The following MAST3 variants were observed in gnomAD, a reference collection of about 807,000 sequenced individuals.
The protein encoded by MAST3 is microtubule-associated serine/threonine-protein kinase 3.
Under a neutral mutation model 127.0 loss-of-function variants are expected in MAST3, and 43 were observed. The observed-to-expected ratio is 0.34, with a 90% CI of 0.27 to 0.44. The LOEUF is 0.44. MAST3 is among the 20% of genes least tolerant of loss of function. MAST3 has a pLI of 1.00. For missense variants in MAST3, 1,390 were observed against 1,919.1 expected (o/e 0.72, Z 5.15); for synonymous variants, 785 against 809.2 (o/e 0.97, Z 0.51).
chr19:18,146,532 TAATG>T (rs2043030342), intron 25 of MAST3, among the ~76,000 whole-genome samples: 2 of 152,066 alleles, frequency 1.3e-5, no homozygotes, highest in East Asian at 3.9e-4. Context: ...GTCTTTGGCC[TAATG>T]ACTCATGGGC....
rs552781798 is a variant in MAST3 at position 18,149,310 on chromosome 19, C to G, written c.3628C>G (p.Arg1210Gly). ...CCTGGCTGCCAAGCTTGGGCCACCCCGCCCCAAGACTGGCCGCCGCAAGTC... is the reference window on the plus strand; with the variant it reads ...CCTGGCTGCCAAGCTTGGGCCACCCGGCCCCAAGACTGGCCGCCGCAAGTC... ...HGLAAKLGPPRPKTGRRKSTS... is the reference protein window; with the variant it reads ...HGLAAKLGPPGPKTGRRKSTS... The change falls in exon 28 of 28, where the codon CGC (arginine) becomes GGC (glycine). Residue 1210 changes from arginine (R) to glycine (G), a missense_variant. Physicochemically the swap from Arg to Gly is moderately radical, Grantham distance 125. This residue lies in a region of MAST3 where 816 missense variants were observed against 934.1 expected (regional missense o/e 0.87). Transcript: ENST00000687212. The surrounding 1 kb of genome is among the most constrained non-coding windows in gnomAD (Gnocchi z 5.9). 6.5e-7 allele frequency: 1 copy of G among 1,529,584 alleles called. No homozygotes were observed. Among genetic ancestry groups the G allele is most frequent in the African/African-American group, 1.4e-5 (1 of 70,522 alleles). The allele number at this position is 1,529,584 out of a possible 1,614,324, so 94.8% of individuals were successfully genotyped here. A position where few individuals can be genotyped will look rare whatever the true frequency, so the allele number is the denominator to read the frequency against.
At chr19:18,138,705 G>T (rs2042133884) in intron 19 of MAST3, among the ~76,000 whole-genome samples, 1 of 152,064 alleles carries the variant, frequency 6.6e-6, no homozygotes. Flanking sequence ...CACCATGTTG[G>T]CCAGGCTGGT....
intron 1 of MAST3, among the ~76,000 whole-genome samples, chr19:18,098,410 G>T (rs146749074): frequency 4.9e-4 from 74 of 152,240 alleles, no homozygotes; most frequent in Non-Finnish European, 9.6e-4. Context: ...GGCACAAGGC[G>T]CTGCCAACCA....
intron 3 of MAST3, among the ~76,000 whole-genome samples, chr19:18,114,598 T>C (rs1309861368): frequency 6.6e-6 from 1 of 152,184 alleles, no homozygotes; most frequent in Non-Finnish European, 1.5e-5. Context: ...CCTGGTCATA[T>C]CGTAGACTCA....
intron 11 of MAST3, 55 bp from the exon 12 acceptor site, chr19:18,128,345 G>A: frequency 6.9e-7 from 1 of 1,449,004 alleles, no homozygotes; most frequent in African/African-American, 1.4e-5. Context: ...AAATTGCTGG[G>A]TGATGCAGGG....
chr19:18,113,296 T>G (rs1259558722), intron 3 of MAST3, among the ~76,000 whole-genome samples: 1 of 151,926 alleles, frequency 6.6e-6, no homozygotes, highest in East Asian at 1.9e-4. Flanking sequence ...CTGCCTCCTT[T>G]TTTTTTTTGA....
Position 18,134,649 on chromosome 19 carries a change from A to T in MAST3, c.1642A>T (p.Met548Leu). The T allele has an allele frequency of 6.2e-7, 1 of 1,613,554 alleles. No homozygotes were observed. The highest frequency in any genetic ancestry group is 2.2e-5 in the East Asian group (1 of 44,874). ...FGLSKIGLMSMATNLYEGHIE... is the reference protein window; with the variant it reads ...FGLSKIGLMSLATNLYEGHIE... The stretch of plus-strand genomic sequence containing the variant: ...CCTGTCCAAGATCGGCCTCATGAGC[A>T]TGGCCACCAACCTCTATGAGGGCCA... Residue 548 changes from methionine (M) to leucine (L), a missense_variant, in exon 16 of 28, where the codon ATG (methionine) becomes TTG (leucine). Coordinates refer to ENST00000687212, the MANE Select transcript of MAST3 (RefSeq NM_001393504.1).
At chr19:18,124,389 A>G in intron 10 of MAST3, 23 bp downstream of exon 10, 2 of 1,571,932 alleles carry the variant, frequency 1.3e-6, no homozygotes, top group Non-Finnish European at 8.6e-7. Context: ...TTCTACGGCC[A>G]GCTTGGGGTC....
intron 1 of MAST3, among the ~76,000 whole-genome samples, chr19:18,099,527 G>A (rs2037372181): frequency 6.6e-6 from 1 of 152,164 alleles, no homozygotes. Flanking sequence ...ATTTCCTGAT[G>A]GTAAGTTCTA....
Position 18,139,481 on chromosome 19 carries a change from C to T in MAST3, c.2205+357C>T, listed in dbSNP as rs143518450. Among the ~76,000 whole-genome samples the T allele has an allele frequency of 1.1e-4, 17 of 152,108 alleles. No homozygotes were observed. The East Asian group carries it at 2.1e-3, about 19-fold the overall frequency. On this transcript the variant is annotated intron_variant, in intron 20 of 27. Transcript: ENST00000687212. ...CTGGGATTACAGGCGCATGCCGTCA[C>T]GCCCAGCTAATTTTTGTATTTTTAA...
intron 7 of MAST3, 22 bp from the exon 8 acceptor site, chr19:18,123,557 CA>C: frequency 1.3e-6 from 2 of 1,529,184 alleles, no homozygotes; most frequent in Non-Finnish European, 1.8e-6. Flanking sequence ...TCCCATATCA[CA>C]AGCCAGCTGT....
intron 1 of MAST3, among the ~76,000 whole-genome samples, chr19:18,101,001 G>C (rs974736553): frequency 3.9e-5 from 6 of 152,218 alleles, no homozygotes; most frequent in Non-Finnish European, 8.8e-5. Context: ...CCCGCGGGCG[G>C]CCAGTTTGCG....
chr19:18,129,034 C>G, intron 13 of MAST3, 83 bp downstream of exon 13: 1 of 1,188,444 alleles, frequency 8.4e-7, no homozygotes, highest in Non-Finnish European at 1.2e-6. Context: ...GCATCCCCCT[C>G]CTACCCCAGC....
In MAST3 at chr19:18,110,513, A is replaced by G; in HGVS notation, c.72-139A>G. 3 of 874,896 alleles carry G rather than the reference A, an allele frequency of 3.4e-6. No homozygotes were observed. The highest frequency in any genetic ancestry group is 4.1e-6 in the Non-Finnish European group (3 of 728,680). 54.2% of individuals were successfully genotyped at this position (874,896 alleles called of 1,614,324 possible). ...GGGCCATCGGTCTGGCCCCGCCCTCACGTCCTGAGCTGAACCCAGAATCCC... is the reference window on the plus strand; with the variant it reads ...GGGCCATCGGTCTGGCCCCGCCCTCGCGTCCTGAGCTGAACCCAGAATCCC... On this transcript the variant is annotated intron_variant, in intron 2 of 27. Transcript: ENST00000687212. The surrounding 1 kb of genome is among the most constrained non-coding windows in gnomAD (Gnocchi z 4.3).
chr19:18,126,748 G>A (rs540096965), intron 11 of MAST3, among the ~76,000 whole-genome samples: 17 of 152,200 alleles, frequency 1.1e-4, no homozygotes, highest in East Asian at 7.8e-4. Flanking sequence ...CAGCCTGGGT[G>A]ACATAGCAAG....
chr19:18,115,598 G>C (rs913302503), intron 3 of MAST3, among the ~76,000 whole-genome samples: 3 of 151,892 alleles, frequency 2.0e-5, no homozygotes, highest in South Asian at 2.1e-4. Context: ...CACCATCTCT[G>C]GTGGTCTCAA....
At chr19:18,139,811 AT>A (rs113923986) in intron 20 of MAST3, among the ~76,000 whole-genome samples, 2,696 of 20,320 alleles carry the variant, frequency 0.13, 157 homozygotes, top group African/African-American at 0.25. Flanking sequence ...TGTTTTAGCC[AT>A]TTTTTTTTTT....
In MAST3 at chr19:18,110,736, C is replaced by G; in HGVS notation, c.156C>G (p.Pro52=). The part of the protein sequence containing the change: ...SPCSPSLGLH[P]WSCRSGNRKS... ...GTAGCCCCTCCTTGGGCCTGCACCC[C>G]TGGAGGTAAGTGACAGCGCGTGTGG... The change falls in exon 3 of 28, where the codon CCC becomes CCG. Residue 52 remains proline (P), a synonymous_variant. Transcript: ENST00000687212. This position sits in a 1 kb window ranked among gnomAD's most constrained non-coding sequence, Gnocchi z 4.3. 1.0e-6 allele frequency: 1 copy of G among 985,776 alleles called. No individual in the cohort carries two copies. The highest frequency in any genetic ancestry group is 1.2e-6 in the Non-Finnish European group (1 of 829,836). The allele number at this position is 985,776 out of a possible 1,614,324, so 61.1% of individuals were successfully genotyped here. A position where few individuals can be genotyped will look rare whatever the true frequency, so the allele number is the denominator to read the frequency against.
chr19:18,131,280 G>A (rs1420627862), intron 14 of MAST3, among the ~76,000 whole-genome samples: 1 of 152,162 alleles, frequency 6.6e-6, no homozygotes, highest in Non-Finnish European at 1.5e-5. Flanking sequence ...TCGGGAGGCT[G>A]AAGCAGGAGA....
Sources: allele counts gnomAD v4.1 joint callset (sites outside exome capture counted in the v4.1 genomes callset), GRCh38; gene constraint gnomAD v4.1.1; regional missense constraint gnomAD v4.1.1; non-coding constraint Gnocchi (gnomAD v3.1); transcripts MANE v1.5; gene names NCBI Gene and HGNC (gene_info 2026-07-23, HGNC 2026-07-21).